CBX5: variants seen among roughly 807,000 people sequenced by gnomAD.
The protein encoded by CBX5 is chromobox 5.
A neutral mutation model predicts 20.7 loss-of-function variants in CBX5; 7 were observed. The ratio of observed to expected loss-of-function variants is 0.34; its 90% confidence interval spans 0.19 to 0.63. The LOEUF is 0.63. CBX5 is among the 30% of genes least tolerant of loss of function. The pLI is 0.75. For synonymous variants in CBX5, 78 were observed against 77.0 expected (o/e 1.01, Z -0.07); for missense variants, 110 against 224.1 (o/e 0.49, Z 3.25).
At chr12:54,271,238 G>A (rs897078502) in intron 1 of CBX5, among the ~76,000 whole-genome samples, 4 of 152,170 alleles carry the variant, frequency 2.6e-5, no homozygotes, top group South Asian at 2.1e-4. Context: ...CAAGTCTTCC[G>A]TTTCCTTACT....
Position 54,240,422 on chromosome 12 carries a change from T to C in CBX5, c.*1333A>G, listed in dbSNP as rs1943664816. 1 of 152,198 alleles carries C rather than the reference T, an allele frequency of 6.6e-6. No individual in the cohort carries two copies. Among genetic ancestry groups the C allele is most frequent in the Admixed American group, 6.5e-5 (1 of 15,280 alleles). The allele number at this position is 152,198 out of a possible 1,614,324, so 9.4% of individuals were successfully genotyped here. ...TTATATTTTTTAGAGACAGGGGGTC[T>C]CACTACATTGCCCAGGCTGGTCTCA... On this transcript the variant is annotated 3_prime_UTR_variant, in exon 5 of 5. Coordinates refer to ENST00000209875, the MANE Select transcript of CBX5 (RefSeq NM_012117.3).
At chr12:54,241,956 T>C in intron 4 of CBX5, 51 bp from the exon 5 acceptor site, 1 of 1,546,600 alleles carries the variant, frequency 6.5e-7, no homozygotes, top group South Asian at 1.2e-5. Flanking sequence ...TGAAAGAATC[T>C]GTCCAGACAT....
At chr12:54,261,189 C>CAA (rs1187762152) in intron 1 of CBX5, among the ~76,000 whole-genome samples, 3 of 64,670 alleles carry the variant, frequency 4.6e-5, no homozygotes. Flanking sequence ...GAAACCGTCT[C>CAA]AAAAAAAAAA....
intron 3 of CBX5, among the ~76,000 whole-genome samples, chr12:54,250,673 C>T (rs901490141): frequency 2.0e-5 from 3 of 148,850 alleles, no homozygotes; most frequent in African/African-American, 4.9e-5. Flanking sequence ...GGCGCGGTGG[C>T]GGGCGCCTGT....
intron 1 of CBX5, chr12:54,277,184 C>G (rs1339893467): frequency 2.6e-5 from 4 of 152,110 alleles, no homozygotes; most frequent in East Asian, 1.9e-4. Flanking sequence ...AGGCGCCCAC[C>G]ACCATGACTG....
At chr12:54,265,685 G>A (rs1016439789) in intron 1 of CBX5, among the ~76,000 whole-genome samples, 1 of 152,198 alleles carries the variant, frequency 6.6e-6, no homozygotes, top group African/African-American at 2.4e-5. Flanking sequence ...TAAAAGAAGA[G>A]AGCATGGAGG....
intron 1 of CBX5, among the ~76,000 whole-genome samples, chr12:54,258,799 A>C (rs1030808035): frequency 6.6e-6 from 1 of 152,148 alleles, no homozygotes; most frequent in African/African-American, 2.4e-5. Context: ...TTTTCCTGTA[A>C]TCTTTAAAGA....
intron 1 of CBX5, among the ~76,000 whole-genome samples, chr12:54,267,552 C>T (rs890535985): frequency 1.3e-5 from 2 of 151,674 alleles, no homozygotes; most frequent in Admixed American, 6.6e-5. Context: ...AGCTCTGTCG[C>T]CCAGGCTGGA....
chr12:54,262,730 A>G (rs1401648856), intron 1 of CBX5: 1 of 152,638 alleles, frequency 6.6e-6, no homozygotes, highest in East Asian at 1.9e-4. Flanking sequence ...CAGTCAAACA[A>G]TTTAAGGGCT....
At chr12:54,243,529 C>A (rs562244298) in intron 4 of CBX5, among the ~76,000 whole-genome samples, 1 of 152,172 alleles carries the variant, frequency 6.6e-6, no homozygotes, top group African/African-American at 2.4e-5. Context: ...CCACTGCACT[C>A]CAGCCTGGGT....
rs560964949 is a variant in CBX5, at chr12:54,271,471, G to A, written c.-43+8537C>T. Among the ~76,000 whole-genome samples the A allele has an allele frequency of 4.9e-3, 749 of 152,244 alleles. 6 individuals are homozygous for A. The highest frequency in any genetic ancestry group is 0.016 in the African/African-American group (658 of 41,544). ...CTCCCAAGTAGCTGGGATTACAGGCGCACGCCACCATGCCCAGATAATTTT... is the reference window on the plus strand; with the variant it reads ...CTCCCAAGTAGCTGGGATTACAGGCACACGCCACCATGCCCAGATAATTTT... On this transcript the variant is annotated intron_variant, in intron 1 of 4. Coordinates refer to ENST00000209875, the MANE Select transcript of CBX5 (RefSeq NM_012117.3).
chr12:54,261,147 C>T (rs944851143), intron 1 of CBX5, among the ~76,000 whole-genome samples: 13 of 147,684 alleles, frequency 8.8e-5, no homozygotes, highest in Admixed American at 5.4e-4. Context: ...GCCGAGACTG[C>T]GCCACTGCAC....
intron 2 of CBX5, among the ~76,000 whole-genome samples, chr12:54,252,811 C>T (rs572597202): frequency 1.3e-5 from 2 of 151,858 alleles, no homozygotes; most frequent in South Asian, 2.1e-4. Context: ...ACAGTGAAAC[C>T]GTGTCTCTAC....
chr12:54,273,924 T>A (rs1394359253), intron 1 of CBX5: 1 of 152,236 alleles, frequency 6.6e-6, no homozygotes, highest in Non-Finnish European at 1.5e-5. Context: ...AAAACATTAC[T>A]GATCCAAAAA....
intron 1 of CBX5, among the ~76,000 whole-genome samples, chr12:54,275,328 C>T (rs958645504): frequency 2.0e-5 from 3 of 151,988 alleles, no homozygotes; most frequent in South Asian, 2.1e-4. Context: ...CTGTAACCTC[C>T]GCCTCCCAGG....
rs1194618843 is a variant in CBX5 at position 54,241,673 on chromosome 12, G to C, written c.*82C>G. Reference sequence around the variant, plus strand: ...ATTTTTTATGGATGTGTTTAGGATAGAAAGGGGTGGGTAGAAAGGAGAGGA... The same window carrying C: ...ATTTTTTATGGATGTGTTTAGGATACAAAGGGGTGGGTAGAAAGGAGAGGA... On this transcript the variant is annotated 3_prime_UTR_variant, in exon 5 of 5. Transcript: ENST00000209875. The C allele has an allele frequency of 8.1e-6, 11 of 1,353,526 alleles. No homozygotes were observed. Among genetic ancestry groups the C allele is most frequent in the Non-Finnish European group, 1.0e-5 (10 of 981,164 alleles). 83.8% of individuals were successfully genotyped at this position (1,353,526 alleles called of 1,614,324 possible).
chr12:54,252,393 T>TC, intron 2 of CBX5, 166 bp from the exon 3 acceptor site: 3 of 358,148 alleles, frequency 8.4e-6, no homozygotes, highest in Non-Finnish European at 9.3e-6. Flanking sequence ...CCAGGAAAAA[T>TC]GAAAAAAAAA....
At chr12:54,279,681 C>A (rs1004199206) in intron 1 of CBX5, among the ~76,000 whole-genome samples, 16 of 152,186 alleles carry the variant, frequency 1.1e-4, no homozygotes, top group African/African-American at 3.9e-4. Context: ...CTACCGCGCG[C>A]TTCCTGCTCA....
intron 4 of CBX5, among the ~76,000 whole-genome samples, chr12:54,245,146 G>A (rs1169647708): frequency 6.6e-6 from 1 of 151,836 alleles, no homozygotes; most frequent in Non-Finnish European, 1.5e-5. Flanking sequence ...CAAGTAGCTG[G>A]ACTACAGGCA....
Sources: gnomAD v4.1 joint callset for allele counts (sites outside exome capture counted in the v4.1 genomes callset) on GRCh38, gnomAD v4.1.1 for gene constraint, MANE v1.5 for transcripts, NCBI Gene and HGNC (gene_info 2026-07-23, HGNC 2026-07-21) for gene names.